Variants in MYO16 observed in about 807,000 individuals in gnomAD.
MYO16 encodes the protein myosin XVI.
A neutral mutation model predicts 205.3 loss-of-function variants in MYO16; 94 were observed. The ratio of observed to expected loss-of-function variants is 0.46; its 90% CI spans 0.39 to 0.54. The LOEUF (loss-of-function observed/expected upper bound fraction) is 0.54. Ranked by LOEUF, MYO16 falls within the 20% of genes least tolerant of loss-of-function variation. The pLI is 0.00. For synonymous variants in MYO16, 988 were observed against 954.0 expected, an observed-to-expected ratio of 1.04 and a Z score of -0.66; for missense variants, 2,315 against 2,387.5, an observed-to-expected ratio of 0.97 and a Z score of 0.63.
intron 20 of MYO16, among the ~76,000 whole-genome samples, chr13:108,981,400 G>C (rs914123214): frequency 6.6e-6 from 1 of 152,246 alleles, no homozygotes; most frequent in Non-Finnish European, 1.5e-5. Flanking sequence ...TCCATGCCAT[G>C]TACAATATAA....
intron 1 of MYO16, among the ~76,000 whole-genome samples, chr13:108,612,718 G>C (rs1311958905): frequency 1.3e-5 from 2 of 152,114 alleles, no homozygotes; most frequent in Admixed American, 6.6e-5. Context: ...GGAGGGGTAG[G>C]CTCTGACTTT....
intron 6 of MYO16, among the ~76,000 whole-genome samples, chr13:108,796,323 T>A (rs905762480): frequency 1.3e-5 from 2 of 152,214 alleles, no homozygotes; most frequent in African/African-American, 4.8e-5. Context: ...TTGGTGGGAC[T>A]GTAAACTAGT....
chr13:109,019,948 T>G, intron 23 of MYO16, 37 bp downstream of exon 23: 1 of 1,584,824 alleles, frequency 6.3e-7, no homozygotes, highest in Non-Finnish European at 8.7e-7. Flanking sequence ...TCATGTGCAC[T>G]AATGATCAAA....
chr13:108,985,730 A>G (rs938446841), intron 20 of MYO16, among the ~76,000 whole-genome samples: 1 of 152,200 alleles, frequency 6.6e-6, no homozygotes, highest in African/African-American at 2.4e-5. Flanking sequence ...TAATAATTTC[A>G]CTATTCTAAC....
intron 16 of MYO16, among the ~76,000 whole-genome samples, chr13:108,940,932 A>T (rs1019922114): frequency 2.6e-5 from 4 of 152,080 alleles, no homozygotes; most frequent in African/African-American, 7.3e-5. Context: ...CAATTAAACA[A>T]AACAAAATTT....
At chr13:108,785,614 T>C in intron 4 of MYO16, 21 bp from the exon 5 acceptor site, 1 of 1,465,278 alleles carries the variant, frequency 6.8e-7, no homozygotes, top group East Asian at 2.3e-5. Flanking sequence ...TATGATGTTA[T>C]ATTTTTTTCT....
chr13:109,043,739 C>A (rs1886954276), intron 23 of MYO16, among the ~76,000 whole-genome samples: 1 of 152,026 alleles, frequency 6.6e-6, no homozygotes, highest in African/African-American at 2.4e-5. Flanking sequence ...TGACAGGGAG[C>A]CGTCCTGGGG....
At chr13:108,757,881 G>C (rs1449745110) in intron 4 of MYO16, among the ~76,000 whole-genome samples, 3 of 152,174 alleles carry the variant, frequency 2.0e-5, no homozygotes, top group African/African-American at 7.2e-5. Flanking sequence ...GAGTCCTGTG[G>C]ATATGTATGC....
chr13:108,590,622 T>C, the MYO16 span, among the ~76,000 whole-genome samples: 8 of 152,130 alleles, frequency 5.3e-5, no homozygotes, highest in Admixed American at 2.0e-4. Context: ...CTGATGTTCT[T>C]ATGAGAGGAG....
the MYO16 span, among the ~76,000 whole-genome samples, chr13:108,499,199 C>T: frequency 6.6e-6 from 1 of 152,124 alleles, no homozygotes; most frequent in Non-Finnish European, 1.5e-5. Flanking sequence ...AAATAATTTT[C>T]AGACAACGCA....
chr13:108,571,066 GT>G, the MYO16 span, among the ~76,000 whole-genome samples: 1 of 151,794 alleles, frequency 6.6e-6, no homozygotes, highest in Non-Finnish European at 1.5e-5. Context: ...AGATTAGTAG[GT>G]TTTGATATTA....
intron 1 of MYO16, among the ~76,000 whole-genome samples, chr13:108,607,853 T>C (rs1249508106): frequency 6.6e-6 from 1 of 152,162 alleles, no homozygotes; most frequent in Non-Finnish European, 1.5e-5. Flanking sequence ...CTACAGTCCT[T>C]CCAGCTGCCA....
chr13:108,776,463 C>T (rs987790364), intron 4 of MYO16, among the ~76,000 whole-genome samples: 2 of 152,140 alleles, frequency 1.3e-5, no homozygotes, highest in African/African-American at 4.8e-5. Context: ...TAATGAATGG[C>T]GGATGGCGGC....
intron 4 of MYO16, among the ~76,000 whole-genome samples, chr13:108,738,521 T>C (rs1320681347): frequency 6.6e-6 from 1 of 152,192 alleles, no homozygotes; most frequent in Non-Finnish European, 1.5e-5. Flanking sequence ...ACAATTCCTG[T>C]TCTTTTACAT....
At chr13:109,093,286 G>A (rs1888676155) in intron 27 of MYO16, among the ~76,000 whole-genome samples, 1 of 152,160 alleles carries the variant, frequency 6.6e-6, no homozygotes, top group South Asian at 2.1e-4. Flanking sequence ...ACATAACACA[G>A]CTTGAGGTTG....
At chr13:108,566,466 T>A in the MYO16 span, among the ~76,000 whole-genome samples, 1 of 151,064 alleles carries the variant, frequency 6.6e-6, no homozygotes, top group Non-Finnish European at 1.5e-5. Flanking sequence ...TCTTTTCAAA[T>A]AGCCAACTTT....
intron 11 of MYO16, among the ~76,000 whole-genome samples, chr13:108,859,937 T>C (rs1043895711): frequency 6.6e-6 from 1 of 151,928 alleles, no homozygotes; most frequent in Non-Finnish European, 1.5e-5. Flanking sequence ...TGACAGCTCC[T>C]AGTACACAGC....
At chr13:109,042,303 T>C (rs921482533) in intron 23 of MYO16, among the ~76,000 whole-genome samples, 3 of 152,252 alleles carry the variant, frequency 2.0e-5, no homozygotes, top group African/African-American at 7.2e-5. Flanking sequence ...TGTGTGTGCA[T>C]GTTTATGTTG....
chr13:108,714,098 C>G (rs190901473), intron 3 of MYO16, among the ~76,000 whole-genome samples: 2 of 152,172 alleles, frequency 1.3e-5, no homozygotes, highest in Admixed American at 1.3e-4. Context: ...ACTCTGTCGC[C>G]CAGGCTGGAG....
Sources: allele counts gnomAD v4.1 joint callset (sites outside exome capture counted in the v4.1 genomes callset), GRCh38; gene constraint gnomAD v4.1.1; transcripts MANE v1.5; gene names NCBI Gene and HGNC (gene_info 2026-07-23, HGNC 2026-07-21).